GRIK1: variants seen among roughly 807,000 people sequenced by gnomAD.
The protein encoded by GRIK1 is glutamate ionotropic receptor kainate type subunit 1.
In GRIK1, 69 loss-of-function variants were observed where a neutral mutation model predicts 105.7. The ratio of observed to expected loss-of-function variants is 0.65; its 90% CI spans 0.54 to 0.80. The LOEUF is 0.80. Among genes scored for constraint, GRIK1 ranks in the 30% least tolerant of loss-of-function variants. The pLI, the probability that GRIK1 is intolerant of heterozygous loss-of-function variation, is 0.00. For missense variants in GRIK1, 1,109 were observed against 1,167.3 expected, an observed-to-expected ratio of 0.95 and a Z score of 0.73; for synonymous variants, 438 against 431.3, an observed-to-expected ratio of 1.02 and a Z score of -0.19.
intron 1 of GRIK1, among the ~76,000 whole-genome samples, chr21:29,726,396 C>A (rs548728441): frequency 3.4e-4 from 52 of 152,208 alleles, no homozygotes; most frequent in Admixed American, 6.5e-4. Context: ...CACACACACA[C>A]CCCTTCTAAT....
intron 1 of GRIK1, among the ~76,000 whole-genome samples, chr21:29,840,849 T>C (rs2067958451): frequency 1.3e-5 from 2 of 151,940 alleles, no homozygotes; most frequent in South Asian, 4.1e-4. Flanking sequence ...ACCTACCTGA[T>C]AGACACAATT....
At chr21:29,547,966 C>T (rs1010929654) in intron 16 of GRIK1, among the ~76,000 whole-genome samples, 2 of 152,094 alleles carry the variant, frequency 1.3e-5, no homozygotes, top group East Asian at 3.9e-4. Context: ...GGCTGGTAAA[C>T]TGATCAGGAC....
chr21:29,871,490 G>A (rs1352625415), intron 1 of GRIK1, among the ~76,000 whole-genome samples: 1 of 152,166 alleles, frequency 6.6e-6, no homozygotes, highest in African/African-American at 2.4e-5. Context: ...GAATCTGACT[G>A]AGTTCGACCT....
chr21:29,737,719 A>G (rs2064828239), intron 1 of GRIK1, among the ~76,000 whole-genome samples: 1 of 152,238 alleles, frequency 6.6e-6, no homozygotes, highest in Non-Finnish European at 1.5e-5. Context: ...TTACCATTTC[A>G]TGGCAGGTGC....
chr21:29,837,483 G>T (rs1351335296), intron 1 of GRIK1, among the ~76,000 whole-genome samples: 1 of 152,122 alleles, frequency 6.6e-6, no homozygotes, highest in Non-Finnish European at 1.5e-5. Flanking sequence ...GTCACAGGAG[G>T]CAGGACTATG....
chr21:29,818,255 T>A lies in GRIK1; in HGVS notation c.118+121128A>T, dbSNP rs2067205655. On this transcript the variant is annotated intron_variant, in intron 1 of 17. Coordinates refer to ENST00000327783, the MANE Select transcript of GRIK1 (RefSeq NM_001330994.2). ...AATAAATGTTGACAGACAAAAAAAA[T>A]TTCTGGGAGCAAACCTTTTGAGAAA... Among the ~76,000 whole-genome samples, 2 of 152,026 alleles carry A rather than the reference T, an allele frequency of 1.3e-5. 1 individual carries two copies. Among genetic ancestry groups the A allele is most frequent in the South Asian group, 4.1e-4 (2 of 4,820 alleles).
At chr21:29,869,766 T>C (rs2068948506) in intron 1 of GRIK1, among the ~76,000 whole-genome samples, 1 of 152,212 alleles carries the variant, frequency 6.6e-6, no homozygotes, top group Admixed American at 6.5e-5. Context: ...ATATCCATTG[T>C]AGGAAAACAT....
chr21:29,684,806 G>A (rs1416566515), intron 3 of GRIK1, among the ~76,000 whole-genome samples: 3 of 151,776 alleles, frequency 2.0e-5, no homozygotes, highest in African/African-American at 7.3e-5. Context: ...CACCACACCC[G>A]GCTGCAAAAA....
At chr21:29,890,799 A>G (rs548145910) in intron 1 of GRIK1, among the ~76,000 whole-genome samples, 11 of 152,270 alleles carry the variant, frequency 7.2e-5, no homozygotes, top group African/African-American at 2.6e-4. Context: ...TCATAAACAC[A>G]TAAGACTGTA....
At chr21:29,880,961 G>A (rs1403485601) in intron 1 of GRIK1, among the ~76,000 whole-genome samples, 5 of 152,044 alleles carry the variant, frequency 3.3e-5, no homozygotes, top group Admixed American at 1.3e-4. Flanking sequence ...GAGGTTAGTA[G>A]TGCCCCAGGT....
At chr21:29,540,475 C>A (rs2089951028) in intron 16 of GRIK1, among the ~76,000 whole-genome samples, 1 of 152,248 alleles carries the variant, frequency 6.6e-6, no homozygotes, top group Admixed American at 6.5e-5. Context: ...GGAAAGGTGA[C>A]CTTTAAGGCC....
intron 7 of GRIK1, among the ~76,000 whole-genome samples, chr21:29,631,473 A>G (rs1444544081): frequency 6.6e-6 from 1 of 152,240 alleles, no homozygotes; most frequent in Non-Finnish European, 1.5e-5. Context: ...GAACTTGACC[A>G]TGATGGCACT....
At chr21:29,889,221 G>C (rs1002886252) in intron 1 of GRIK1, among the ~76,000 whole-genome samples, 2 of 151,962 alleles carry the variant, frequency 1.3e-5, no homozygotes, top group African/African-American at 4.8e-5. Flanking sequence ...AATAAAAATG[G>C]GAAAGTTAGA....
chr21:29,700,056 C>T (rs35514107), intron 1 of GRIK1, among the ~76,000 whole-genome samples: 194 of 152,258 alleles, frequency 1.3e-3, no homozygotes, highest in Middle Eastern at 3.4e-3. Flanking sequence ...GACTTTACAG[C>T]GCAGTAATTT....
rs543491728 is a variant in GRIK1 at position 29,877,823 on chromosome 21, T to A, written c.118+61560A>T. 2.7e-3 allele frequency among the ~76,000 whole-genome samples: 414 copies of A among 152,290 alleles called. 2 individuals carry two copies. Among genetic ancestry groups the A allele is most frequent in the African/African-American group, 9.1e-3 (379 of 41,580 alleles). On this transcript the variant is annotated intron_variant, in intron 1 of 17. Transcript: ENST00000327783. ...AACTGAACACATAGCACTTTGTACCTTTTGTGTATGTGGGAGACAGAGAGA... is the reference window on the plus strand; with the variant it reads ...AACTGAACACATAGCACTTTGTACCATTTGTGTATGTGGGAGACAGAGAGA...
chr21:29,837,137 T>G (rs2254764), intron 1 of GRIK1, among the ~76,000 whole-genome samples: 17,026 of 152,220 alleles, frequency 0.11, 1,025 homozygotes, highest in Admixed American at 0.16. Flanking sequence ...ATAGCTAAGC[T>G]GAAATTGTAA....
intron 7 of GRIK1, among the ~76,000 whole-genome samples, chr21:29,603,061 A>C (rs369803789): frequency 6.6e-6 from 1 of 152,168 alleles, no homozygotes; most frequent in East Asian, 1.9e-4. Flanking sequence ...CACACCTTTA[A>C]ATATTAATGA....
intron 1 of GRIK1, among the ~76,000 whole-genome samples, chr21:29,778,116 A>G (rs1480015715): frequency 6.6e-6 from 1 of 152,192 alleles, no homozygotes; most frequent in African/African-American, 2.4e-5. Flanking sequence ...TATAGAACCT[A>G]GCGTGCAGTT....
rs574456066 is a variant in GRIK1, at chr21:29,710,256, G to A, written c.119-16193C>T. Among the ~76,000 whole-genome samples, 4 of 152,102 alleles carry A rather than the reference G, an allele frequency of 2.6e-5. No homozygotes were observed. In the South Asian group the frequency reaches 6.2e-4, roughly 24 times the overall value. ...TCAGTGAGAGTTTTTCTTTCAATAT[G>A]TTGCTGAATGTGATTTGTTGATATT... On this transcript the variant is annotated intron_variant, in intron 1 of 17. Transcript: ENST00000327783.
Sources: gnomAD v4.1 joint callset for allele counts (sites outside exome capture counted in the v4.1 genomes callset) on GRCh38, gnomAD v4.1.1 for gene constraint, MANE v1.5 for transcripts, NCBI Gene and HGNC (gene_info 2026-07-23, HGNC 2026-07-21) for gene names.